The following USP22 variants were observed in gnomAD, a reference collection of about 807,000 sequenced individuals.
USP22 encodes the protein ubiquitin carboxyl-terminal hydrolase 22.
A neutral mutation model predicts 68.1 loss-of-function variants in USP22; 22 were observed. The ratio of observed to expected loss-of-function variants is 0.32; its 90% CI spans 0.23 to 0.46. The LOEUF is 0.46. Ranked by LOEUF, USP22 falls within the 20% of genes least tolerant of loss-of-function variation. USP22 has a pLI of 1.00. For synonymous variants in USP22, 279 were observed against 274.2 expected, an observed-to-expected ratio of 1.02 and a Z score of -0.17; for missense variants, 433 against 695.8, an observed-to-expected ratio of 0.62 and a Z score of 4.25.
intron 4 of USP22, among the ~76,000 whole-genome samples, chr17:21,018,863 T>A (rs1261793001): frequency 6.6e-6 from 1 of 152,212 alleles, no homozygotes; most frequent in Non-Finnish European, 1.5e-5. Flanking sequence ...CGCTGAAGGC[T>A]GTGAGGGCAG....
At chr17:21,042,631 C>A in intron 1 of USP22, 34 bp downstream of exon 1, 7 of 1,259,502 alleles carry the variant, frequency 5.6e-6, no homozygotes, top group Non-Finnish European at 7.0e-6. Flanking sequence ...GCAGAAGGCC[C>A]CGAGCCCGCC....
chr17:21,006,960 GC>G lies in USP22; in HGVS notation c.1257del (p.Arg420GlyfsTer15). The G allele has an allele frequency of 6.2e-7, 1 of 1,607,238 alleles. No individual in the cohort carries two copies. The highest frequency in any genetic ancestry group is 1.1e-5 in the South Asian group (1 of 89,746). On this transcript the variant is annotated frameshift_variant, in exon 10 of 13. Coordinates refer to ENST00000261497, the MANE Select transcript of USP22 (RefSeq NM_015276.2). LOFTEE classifies it high-confidence loss of function. ...LKRFEHSAKL[R>X]RKITTYVSFP... ...AAGGACACATACGTGGTGATCTTCC[GC>G]CGCAGCTTGGCTGAGTGTTCAAATC... is the stretch of plus-strand genomic sequence containing the variant.
chr17:21,032,865 G>A (rs555798388), intron 1 of USP22, among the ~76,000 whole-genome samples: 5 of 140,872 alleles, frequency 3.5e-5, no homozygotes, highest in Non-Finnish European at 6.0e-5. Context: ...CAAGGCTGCA[G>A]TGAGCCAAGA....
chr17:21,019,056 G>C, intron 4 of USP22, 28 bp downstream of exon 4: 7 of 1,607,062 alleles, frequency 4.4e-6, no homozygotes, highest in Non-Finnish European at 6.0e-6. Flanking sequence ...AAGAAGCCTA[G>C]CTGAGAGTGA....
intron 1 of USP22, among the ~76,000 whole-genome samples, chr17:21,039,352 C>T (rs563708128): frequency 2.6e-5 from 4 of 151,300 alleles, no homozygotes; most frequent in Admixed American, 1.3e-4. Context: ...CCAAGATGGG[C>T]GGATCACCTG....
At chr17:21,038,244 A>T (rs1262477206) in intron 1 of USP22, among the ~76,000 whole-genome samples, 1 of 152,018 alleles carries the variant, frequency 6.6e-6, no homozygotes, top group Non-Finnish European at 1.5e-5. Context: ...TTTTTTTAAT[A>T]AATAAATAAA....
At chr17:21,030,923 T>C (rs1394629269) in intron 1 of USP22, among the ~76,000 whole-genome samples, 2 of 152,224 alleles carry the variant, frequency 1.3e-5, no homozygotes, top group African/African-American at 2.4e-5. Context: ...GTGTGATAAC[T>C]GTATTGCGCT....
intron 5 of USP22, among the ~76,000 whole-genome samples, chr17:21,016,902 CTG>C (rs1163271576): frequency 6.6e-6 from 1 of 152,134 alleles, no homozygotes; most frequent in Non-Finnish European, 1.5e-5. Flanking sequence ...GTGGGTGTGA[CTG>C]TAATTTACAC....
At chr17:21,041,827 G>A (rs1972436786) in intron 1 of USP22, among the ~76,000 whole-genome samples, 1 of 152,222 alleles carries the variant, frequency 6.6e-6, no homozygotes, top group African/African-American at 2.4e-5. Flanking sequence ...GCCTAACTGC[G>A]GGACGCAAGA....
upstream of USP22, chr17:21,043,403 G>C: frequency 8.4e-6 from 3 of 356,814 alleles, no homozygotes; most frequent in Non-Finnish European, 1.5e-5. Context: ...GACGTTCCCT[G>C]TCTCTTCCAG....
chr17:21,010,904 G>A (rs1250448717), intron 8 of USP22, among the ~76,000 whole-genome samples: 5 of 152,156 alleles, frequency 3.3e-5, no homozygotes, highest in African/African-American at 7.2e-5. Flanking sequence ...ATTTACATGC[G>A]GAGGTTGGAG....
intron 1 of USP22, among the ~76,000 whole-genome samples, chr17:21,038,729 T>C (rs901088520): frequency 6.6e-6 from 1 of 151,462 alleles, no homozygotes; most frequent in African/African-American, 2.4e-5. Flanking sequence ...CACAGTGCCA[T>C]AAAATTTTAG....
At chr17:21,042,444 G>A (rs1217157513) in intron 1 of USP22, among the ~76,000 whole-genome samples, 1 of 146,472 alleles carries the variant, frequency 6.8e-6, no homozygotes, top group Non-Finnish European at 1.5e-5. Context: ...GAGAGGGGAA[G>A]GATAGGAAGA....
intron 5 of USP22, among the ~76,000 whole-genome samples, chr17:21,016,868 A>G (rs912923106): frequency 1.3e-5 from 2 of 152,136 alleles, no homozygotes; most frequent in African/African-American, 4.8e-5. Flanking sequence ...ATTCGTCGAA[A>G]CTCATCTATC....
chr17:21,016,972 G>C (rs751702112), intron 5 of USP22, among the ~76,000 whole-genome samples: 2 of 152,182 alleles, frequency 1.3e-5, no homozygotes. Context: ...ACTAAAGTCA[G>C]TGATACAACC....
intron 6 of USP22, among the ~76,000 whole-genome samples, chr17:21,013,864 G>A (rs1470443447): frequency 1.3e-5 from 2 of 152,168 alleles, no homozygotes; most frequent in South Asian, 2.1e-4. Flanking sequence ...CACGAGGTTA[G>A]GAGACCGAGA....
intron 10 of USP22, among the ~76,000 whole-genome samples, chr17:21,006,117 G>C (rs1425908958): frequency 6.6e-6 from 1 of 152,180 alleles, no homozygotes; most frequent in Non-Finnish European, 1.5e-5. Context: ...CCAACCTCTA[G>C]AACTGTGAGG....
intron 3 of USP22, among the ~76,000 whole-genome samples, chr17:21,020,244 CAAAAAAAAAAAA>C (rs3047597): frequency 4.1e-5 from 3 of 73,284 alleles, no homozygotes; most frequent in Non-Finnish European, 5.0e-5. Flanking sequence ...AATCAAAAAC[CAAAAAAAAAAAA>C]AAAAAAAAAA....
chr17:21,018,050 C>A lies in USP22; in HGVS notation c.582G>T (p.Leu194=). The change falls in exon 5 of 13, where the codon CTG becomes CTT. Residue 194 remains leucine (L), a synonymous_variant. Transcript: ENST00000261497. The stretch of plus-strand genomic sequence containing the variant: ...AGTCCCGCAGAAGTGGCGTGTGGGT[C>A]AGGGCCTGCACGATGCAGTTCATGA... ...TCFMNCIVQA[L]THTPLLRDFF... 6.2e-7 allele frequency: 1 copy of A among 1,613,892 alleles called. No individual in the cohort carries two copies. Among genetic ancestry groups the A allele is most frequent in the Non-Finnish European group, 8.5e-7 (1 of 1,179,956 alleles).
Sources: allele counts gnomAD v4.1 joint callset (sites outside exome capture counted in the v4.1 genomes callset), GRCh38; gene constraint gnomAD v4.1.1; transcripts MANE v1.5; gene names NCBI Gene and HGNC (gene_info 2026-07-23, HGNC 2026-07-21).